The following FRMD3 variants were observed in gnomAD, a reference collection of about 807,000 sequenced individuals.
The protein encoded by FRMD3 is FERM domain-containing protein 3.
Under a neutral mutation model 70.2 loss-of-function variants are expected in FRMD3, and 33 were observed. That is an observed-to-expected ratio of 0.47 (90% confidence interval 0.36 to 0.63). The LOEUF (loss-of-function observed/expected upper bound fraction) is 0.63, where lower values mean the gene tolerates loss of function less well. Ranked by LOEUF, FRMD3 falls within the 20% of genes least tolerant of loss-of-function variation. The pLI is 0.00. For synonymous variants in FRMD3, 279 were observed against 255.9 expected, an observed-to-expected ratio of 1.09 and a Z score of -0.86; for missense variants, 632 against 711.4, an observed-to-expected ratio of 0.89 and a Z score of 1.27.
At chr9:83,409,290 A>C (rs1221830934) in intron 1 of FRMD3, among the ~76,000 whole-genome samples, 1 of 152,226 alleles carries the variant, frequency 6.6e-6, no homozygotes, top group Non-Finnish European at 1.5e-5. Context: ...TTACTGTTCA[A>C]AAATGGGATC....
chr9:83,573,878 T>C, the FRMD3 span, among the ~76,000 whole-genome samples: 4 of 152,052 alleles, frequency 2.6e-5, no homozygotes, highest in South Asian at 2.1e-4. Flanking sequence ...TTGGTCAAGT[T>C]TGGGTCAATC....
At chr9:83,561,778 G>C in the FRMD3 span, among the ~76,000 whole-genome samples, 6 of 152,324 alleles carry the variant, frequency 3.9e-5, 1 homozygote, top group South Asian at 2.1e-4. Context: ...ATAGGGTAGG[G>C]AAATAGAGAA....
intron 1 of FRMD3, among the ~76,000 whole-genome samples, chr9:83,510,008 AT>A (rs1021965794): frequency 3.3e-5 from 5 of 152,204 alleles, no homozygotes; most frequent in Admixed American, 3.3e-4. Flanking sequence ...TTAAATCTTC[AT>A]TTTTCATACA....
chr9:83,250,914 C>T (rs1469616278), intron 13 of FRMD3, among the ~76,000 whole-genome samples: 2 of 152,172 alleles, frequency 1.3e-5, no homozygotes, highest in Non-Finnish European at 2.9e-5. Context: ...GTGGTTTGGT[C>T]CACTCAGCTG....
intron 2 of FRMD3, among the ~76,000 whole-genome samples, chr9:83,387,372 T>C (rs1825541605): frequency 6.6e-6 from 1 of 152,172 alleles, no homozygotes; most frequent in Admixed American, 6.5e-5. Context: ...GTGACACCAG[T>C]TGTTCCTTAA....
chr9:83,551,305 T>G, the FRMD3 span, among the ~76,000 whole-genome samples: 2 of 152,222 alleles, frequency 1.3e-5, no homozygotes, highest in African/African-American at 4.8e-5. Flanking sequence ...TGAGCCAACT[T>G]TGCATCCTGG....
intron 1 of FRMD3, among the ~76,000 whole-genome samples, chr9:83,491,725 C>G (rs1828830658): frequency 1.3e-5 from 2 of 152,186 alleles, no homozygotes; most frequent in Admixed American, 1.3e-4. Context: ...GCCTCCTGAC[C>G]TGACCTCTGG....
intron 1 of FRMD3, among the ~76,000 whole-genome samples, chr9:83,446,275 C>T (rs533931212): frequency 1.3e-5 from 2 of 152,156 alleles, no homozygotes; most frequent in Non-Finnish European, 2.9e-5. Flanking sequence ...CAGAGCCCAG[C>T]GGCCTTCATA....
chr9:83,298,675 A>T (rs11140011), intron 12 of FRMD3, 73 bp downstream of exon 12: 1 of 1,113,504 alleles, frequency 9.0e-7, no homozygotes, highest in South Asian at 1.3e-5. Flanking sequence ...TCACTACACA[A>T]AGGGATGTTA....
At chr9:83,506,833 C>T (rs1400807361) in intron 1 of FRMD3, among the ~76,000 whole-genome samples, 2 of 152,168 alleles carry the variant, frequency 1.3e-5, no homozygotes, top group Non-Finnish European at 2.9e-5. Flanking sequence ...AAACATTGTA[C>T]AGCTGCACAT....
chr9:83,530,620 C>T (rs1000536836), intron 1 of FRMD3, among the ~76,000 whole-genome samples: 66 of 152,138 alleles, frequency 4.3e-4, no homozygotes, highest in African/African-American at 1.4e-3. Flanking sequence ...CTTAAGTGGG[C>T]GTACTACAAG....
At chr9:83,483,563 C>G (rs1451917004) in intron 1 of FRMD3, among the ~76,000 whole-genome samples, 1 of 152,136 alleles carries the variant, frequency 6.6e-6, no homozygotes, top group Non-Finnish European at 1.5e-5. Flanking sequence ...AAAACCTTAT[C>G]TGATACAAAT....
At chr9:83,413,440 G>A (rs1221648123) in intron 1 of FRMD3, among the ~76,000 whole-genome samples, 2 of 152,172 alleles carry the variant, frequency 1.3e-5, no homozygotes, top group Non-Finnish European at 2.9e-5. Flanking sequence ...GAAATACAAG[G>A]ATGCACCCGG....
chr9:83,343,125 G>A (rs1823830415), intron 5 of FRMD3, 65 bp downstream of exon 5: 4 of 1,154,934 alleles, frequency 3.5e-6, no homozygotes, highest in Non-Finnish European at 5.2e-6. Context: ...GGAGAGAAGG[G>A]AGGCTTGAAA....
rs202022598 is a variant in FRMD3 at position 83,311,898 on chromosome 9, A to T, written c.762T>A (p.His254Gln). 3,847 of 1,609,322 alleles carry T rather than the reference A, an allele frequency of 2.4e-3. 34 individuals carry two copies. In the Admixed American group the frequency reaches 0.026, roughly 11 times the overall value. The change falls in exon 8 of 14, where the codon CAT becomes CAA. Residue 254 changes from histidine to glutamine, a missense_variant. Coordinates refer to ENST00000304195, the MANE Select transcript of FRMD3 (RefSeq NM_174938.6). ...FVVFQGNKRI[H>Q]LIKWPDVCKL... ...AAAGAGGCACTTACCATTTTATCAAATGGATTCTCTTATTTCCCTGAAAGA... is the reference window on the plus strand; with the variant it reads ...AAAGAGGCACTTACCATTTTATCAATTGGATTCTCTTATTTCCCTGAAAGA...
At chr9:83,410,894 G>T (rs1335547516) in intron 1 of FRMD3, among the ~76,000 whole-genome samples, 1 of 152,154 alleles carries the variant, frequency 6.6e-6, no homozygotes, top group Non-Finnish European at 1.5e-5. Context: ...CTACAGACCA[G>T]AATGAGGCCA....
chr9:83,533,702 ACT>A (rs1829834435), intron 1 of FRMD3, among the ~76,000 whole-genome samples: 1 of 152,184 alleles, frequency 6.6e-6, no homozygotes. Flanking sequence ...AATATCAGGG[ACT>A]CTGCGGTGAA....
In FRMD3 at chr9:83,247,253, A is replaced by G; in HGVS notation, c.*665T>C. On this transcript the variant is annotated 3_prime_UTR_variant, in exon 14 of 14. Transcript: ENST00000304195. ...ATTTTCTATCTCCTATGCAGATCATAACAAATTATGGTATTGTTCAGCCAA... is the reference window on the plus strand; with the variant it reads ...ATTTTCTATCTCCTATGCAGATCATGACAAATTATGGTATTGTTCAGCCAA... 5 of 985,368 alleles carry G rather than the reference A, an allele frequency of 5.1e-6. No homozygotes were observed. Among genetic ancestry groups the G allele is most frequent in the Non-Finnish European group, 6.0e-6 (5 of 829,888 alleles). The allele number at this position is 985,368 out of a possible 1,614,324, so 61.0% of individuals were successfully genotyped here. A position where few individuals can be genotyped will look rare whatever the true frequency, so the allele number is the denominator to read the frequency against.
chr9:83,284,061 AT>A (rs71365307), intron 13 of FRMD3, among the ~76,000 whole-genome samples: 4,763 of 101,304 alleles, frequency 0.047, 179 homozygotes, highest in East Asian at 0.23. Flanking sequence ...CTAGGATGTT[AT>A]TTTTTTTTTT....
Sources: allele counts gnomAD v4.1 joint callset (sites outside exome capture counted in the v4.1 genomes callset), GRCh38; gene constraint gnomAD v4.1.1; transcripts MANE v1.5; gene names NCBI Gene and HGNC (gene_info 2026-07-23, HGNC 2026-07-21).